Variants in LSG1 observed in about 807,000 individuals in gnomAD.
LSG1 encodes the protein large subunit GTPase 1 homolog.
In LSG1, 55 loss-of-function variants were observed where a neutral mutation model predicts 82.6. The ratio of observed to expected loss-of-function variants is 0.67; its 90% CI spans 0.54 to 0.83. LSG1 has a LOEUF of 0.83. Ranked by LOEUF, LSG1 falls within the 40% of genes least tolerant of loss-of-function variation. The pLI is 0.00. For synonymous variants in LSG1, 272 were observed against 282.5 expected, an observed-to-expected ratio of 0.96 and a Z score of 0.37; for missense variants, 809 against 807.9, an observed-to-expected ratio of 1.00 and a Z score of -0.02.
At chr3:194,660,910 C>T in intron 5 of LSG1, 1 of 456,474 alleles carries the variant, frequency 2.2e-6, no homozygotes, top group Non-Finnish European at 4.4e-6. Flanking sequence ...AAAAAATTCC[C>T]TTCTATGGGA....
At position 194,670,092 on chromosome 3, in the gene LSG1, A is replaced by C; in HGVS notation, c.143T>G (p.Leu48Arg). 1 of 1,613,982 alleles carries C rather than the reference A, an allele frequency of 6.2e-7. No homozygotes were observed. The highest frequency in any genetic ancestry group is 8.5e-7 in the Non-Finnish European group (1 of 1,179,956). The stretch of plus-strand genomic sequence containing the variant: ...CTGTTCAGTCACTGACTGAAGATTA[A>C]GACGACCCCAATCATAGCCATCATT... ...ELNDGYDWGR[L>R]NLQSVTEQSS... is the part of the protein sequence containing the mutation. Residue 48 changes from leucine (L) to arginine (R), a missense_variant, in exon 2 of 14, where the codon CTT becomes CGT. Coordinates refer to ENST00000265245, the MANE Select transcript of LSG1 (RefSeq NM_018385.3).
intron 2 of LSG1, among the ~76,000 whole-genome samples, chr3:194,667,501 C>T (rs1215299377): frequency 6.6e-6 from 1 of 152,208 alleles, no homozygotes; most frequent in Non-Finnish European, 1.5e-5. Context: ...CCATAGTCAG[C>T]TATCTCAGGA....
rs141471696 is a variant in LSG1, at chr3:194,672,067, G to A, written c.96C>T (p.Ser32=). ...AAGATGACATGGTCTGTCTTACCCA[G>A]GAGTCAGTGTGACGATGGCTTCGGC... The part of the protein sequence containing the change: ...QRSRSHRHTD[S]WLHTSELNDG... Residue 32 remains serine, a synonymous_variant, in exon 1 of 14, where the codon TCC becomes TCT. Coordinates refer to ENST00000265245, the MANE Select transcript of LSG1 (RefSeq NM_018385.3). 2 of 1,611,776 alleles carry A rather than the reference G, an allele frequency of 1.2e-6. No individual in the cohort carries two copies. Among genetic ancestry groups the A allele is most frequent in the Non-Finnish European group, 1.7e-6 (2 of 1,179,454 alleles).
intron 12 of LSG1, chr3:194,644,964 A>T (rs79744755): frequency 2.6e-5 from 10 of 391,806 alleles, no homozygotes; most frequent in African/African-American, 1.8e-4. Flanking sequence ...GCCCCAGACT[A>T]GGATGAAATC....
intron 13 of LSG1, among the ~76,000 whole-genome samples, 182 bp downstream of exon 13, chr3:194,644,389 AAT>A (rs1444320065): frequency 0.03 from 3,024 of 100,006 alleles, 137 homozygotes; most frequent in East Asian, 0.09. Context: ...AATAAAAATA[AAT>A]AAATAAATAA....
intron 2 of LSG1, among the ~76,000 whole-genome samples, chr3:194,667,527 A>G (rs1719054411): frequency 2.0e-5 from 3 of 152,108 alleles, no homozygotes; most frequent in Admixed American, 1.3e-4. Context: ...CAACTTGCTC[A>G]TTCCTTGATT....
chr3:194,645,577 C>CACACACACACACACAGACAG (rs1560219851), intron 12 of LSG1, among the ~76,000 whole-genome samples: 12 of 33,326 alleles, frequency 3.6e-4, no homozygotes, highest in East Asian at 1.5e-3. Flanking sequence ...CACAGACAGA[C>CACACACACACACACAGACAG]ACACACACAC....
intron 13 of LSG1, among the ~76,000 whole-genome samples, chr3:194,643,397 A>G (rs545080740): frequency 6.6e-6 from 1 of 152,374 alleles, no homozygotes; most frequent in South Asian, 2.1e-4. Context: ...CAACTTAATA[A>G]TAGACATTTC....
chr3:194,659,227 C>T, intron 6 of LSG1, 94 bp from the exon 7 acceptor site: 8 of 976,280 alleles, frequency 8.2e-6, no homozygotes, highest in Non-Finnish European at 1.2e-5. Context: ...TTTTTACTGC[C>T]CCTAGTTTTA....
At chr3:194,644,398 ATAAAT>A (rs1718472793) in intron 13 of LSG1, among the ~76,000 whole-genome samples, 170 bp downstream of exon 13, 3 of 143,374 alleles carry the variant, frequency 2.1e-5, no homozygotes, top group South Asian at 2.1e-4. Flanking sequence ...AAATAAATAA[ATAAAT>A]AAATAAATAA....
intron 1 of LSG1, chr3:194,671,743 T>C (rs1577262232): frequency 2.6e-6 from 1 of 380,738 alleles, no homozygotes; most frequent in East Asian, 6.0e-5. Context: ...TTTTGTCTTT[T>C]TCCTGCTCTG....
At chr3:194,646,055 T>G (rs1191737718) in intron 12 of LSG1, 109 bp downstream of exon 12, 2 of 1,081,220 alleles carry the variant, frequency 1.8e-6, no homozygotes, top group Non-Finnish European at 2.8e-6. Flanking sequence ...AACTCCAGTT[T>G]CAATGAAAAA....
At chr3:194,659,806 A>C (rs1350098497) in intron 6 of LSG1, among the ~76,000 whole-genome samples, 1 of 152,260 alleles carries the variant, frequency 6.6e-6, no homozygotes, top group East Asian at 1.9e-4. Context: ...CAAATGGGAA[A>C]CCGGCAAATG....
rs1406191683 is a variant in LSG1 at position 194,641,316 on chromosome 3, T to C, written c.*752A>G. On this transcript the variant is annotated 3_prime_UTR_variant, in exon 14 of 14. Transcript: ENST00000265245. The stretch of plus-strand genomic sequence containing the variant: ...CACTGCAAAAGAAAGACCTCAATCT[T>C]CCCATTCCTCCCATCCCGAAGCAAC... 1 of 152,192 alleles carries C rather than the reference T, an allele frequency of 6.6e-6. No individual in the cohort carries two copies. Among genetic ancestry groups the C allele is most frequent in the Non-Finnish European group, 1.5e-5 (1 of 68,048 alleles). The allele number at this position is 152,192 out of a possible 1,614,324, so 9.4% of individuals were successfully genotyped here. A position where few individuals can be genotyped will look rare whatever the true frequency, so the allele number is the denominator to read the frequency against.
At chr3:194,664,197 C>T (rs1482515905) in intron 5 of LSG1, among the ~76,000 whole-genome samples, 1 of 152,162 alleles carries the variant, frequency 6.6e-6, no homozygotes, top group Non-Finnish European at 1.5e-5. Context: ...AAGTGATCCA[C>T]CTGCCTGGAC....
At chr3:194,654,404 GA>G (rs967960711) in intron 7 of LSG1, among the ~76,000 whole-genome samples, 3 of 152,188 alleles carry the variant, frequency 2.0e-5, no homozygotes, top group African/African-American at 7.2e-5. Context: ...AGCTTTGTTA[GA>G]ATGATTAACA....
At chr3:194,649,580 C>G (rs1718629721) in intron 10 of LSG1, among the ~76,000 whole-genome samples, 1 of 151,244 alleles carries the variant, frequency 6.6e-6, no homozygotes, top group Non-Finnish European at 1.5e-5. Flanking sequence ...ATCCCAGCTA[C>G]TCGGGAGGCT....
In LSG1 at chr3:194,652,864, A is replaced by G; in HGVS notation, c.1038T>C (p.Ala346=). 1 of 1,614,078 alleles carries G rather than the reference A, an allele frequency of 6.2e-7. No individual in the cohort carries two copies. Among genetic ancestry groups the G allele is most frequent in the South Asian group, 1.1e-5 (1 of 91,086 alleles). Residue 346 remains alanine, a synonymous_variant, in exon 8 of 14, where the codon GCT becomes GCC. Transcript: ENST00000265245. The part of the protein sequence containing the change: ...WKESSTADSE[A]RSRKTPQKRQ... ...TCTTCTGTGGGGTTTTCCTGCTCCG[A>G]GCCTCAGAATCTGCAGTAGAGCTTT...
chr3:194,642,312 TACTATTAGTGGATC>T (rs1221490365), intron 13 of LSG1, 65 bp from the exon 14 acceptor site: 1 of 1,356,914 alleles, frequency 7.4e-7, no homozygotes, highest in Non-Finnish European at 1.0e-6. Flanking sequence ...ATATGCACAG[TACTATTAGTGGATC>T]ACTTCAAGAT....
Sources: allele counts gnomAD v4.1 joint callset (sites outside exome capture counted in the v4.1 genomes callset), GRCh38; gene constraint gnomAD v4.1.1; transcripts MANE v1.5; gene names NCBI Gene and HGNC (gene_info 2026-07-23, HGNC 2026-07-21).